STARD13: variants seen among roughly 807,000 people sequenced by gnomAD.
STARD13 encodes the protein StAR related lipid transfer domain containing 13.
A neutral mutation model predicts 106.4 loss-of-function variants in STARD13; 62 were observed. That is an observed-to-expected ratio of 0.58 (90% CI 0.48 to 0.72). STARD13 has a LOEUF of 0.72. Among genes scored for constraint, STARD13 ranks in the 30% least tolerant of loss-of-function variants. The probability of loss-of-function intolerance (pLI) is 0.00; values close to 1 mark genes in which losing one functional copy is unlikely to be tolerated. For missense variants in STARD13, 1,387 were observed against 1,424.0 expected (o/e 0.97, Z 0.42); for synonymous variants, 565 against 553.0 (o/e 1.02, Z -0.31).
At chr13:33,673,728 A>C in the STARD13 span, among the ~76,000 whole-genome samples, 1 of 151,536 alleles carries the variant, frequency 6.6e-6, no homozygotes, top group Non-Finnish European at 1.5e-5. Context: ...TTTTTAGTAG[A>C]GACAGGGTTT....
At chr13:33,470,368 G>A in the STARD13 span, among the ~76,000 whole-genome samples, 1 of 152,176 alleles carries the variant, frequency 6.6e-6, no homozygotes, top group Non-Finnish European at 1.5e-5. Flanking sequence ...ATTGTGAACA[G>A]TGCCACAATA....
intron 1 of STARD13, chr13:33,186,027 G>A (rs372456946): frequency 1.2e-6 from 2 of 1,614,110 alleles, no homozygotes; most frequent in Non-Finnish European, 1.7e-6. Context: ...CAGCATGGAG[G>A]TTCAAAGAAA....
At chr13:33,571,114 C>T in the STARD13 span, among the ~76,000 whole-genome samples, 1 of 152,070 alleles carries the variant, frequency 6.6e-6, no homozygotes, top group Admixed American at 6.6e-5. Flanking sequence ...CTCCTGTGCA[C>T]GTTTTGAATT....
intron 3 of STARD13, among the ~76,000 whole-genome samples, chr13:33,154,204 A>G (rs1881666496): frequency 6.6e-6 from 1 of 152,110 alleles, no homozygotes; most frequent in South Asian, 2.1e-4. Context: ...GAAAGAGGAC[A>G]GTCAGAAGTC....
At chr13:33,413,988 G>A in the STARD13 span, among the ~76,000 whole-genome samples, 1 of 134,590 alleles carries the variant, frequency 7.4e-6, no homozygotes, top group African/African-American at 2.9e-5. Flanking sequence ...AGCCAGGATT[G>A]AACCACTGCA....
the STARD13 span, among the ~76,000 whole-genome samples, chr13:33,610,536 C>T: frequency 2.0e-5 from 3 of 152,242 alleles, no homozygotes; most frequent in Non-Finnish European, 4.4e-5. Flanking sequence ...CGCTGAGCCT[C>T]CACGTGTCCT....
chr13:33,421,481 G>A, the STARD13 span, among the ~76,000 whole-genome samples: 1 of 152,088 alleles, frequency 6.6e-6, no homozygotes, highest in Non-Finnish European at 1.5e-5. Context: ...AAATGTCCAG[G>A]ACCAGATGGA....
At chr13:33,577,709 T>C in the STARD13 span, among the ~76,000 whole-genome samples, 1 of 152,060 alleles carries the variant, frequency 6.6e-6, no homozygotes, top group Non-Finnish European at 1.5e-5. Context: ...TCACAAAAAT[T>C]AATCTAAAAA....
chr13:33,570,398 T>G, the STARD13 span, among the ~76,000 whole-genome samples: 2 of 148,256 alleles, frequency 1.3e-5, no homozygotes, highest in Admixed American at 1.4e-4. Context: ...TTAAACTTTG[T>G]AATTTATGTT....
chr13:33,528,786 T>G, the STARD13 span, among the ~76,000 whole-genome samples: 1 of 152,064 alleles, frequency 6.6e-6, no homozygotes, highest in Non-Finnish European at 1.5e-5. Context: ...ATCTTTTCAG[T>G]GCTTATATTT....
chr13:33,652,942 A>G, the STARD13 span, among the ~76,000 whole-genome samples: 1 of 152,210 alleles, frequency 6.6e-6, no homozygotes, highest in Non-Finnish European at 1.5e-5. Flanking sequence ...TCAAAAGAAG[A>G]AAATACTTAG....
chr13:33,660,737 C>A, the STARD13 span, among the ~76,000 whole-genome samples: 1 of 152,186 alleles, frequency 6.6e-6, no homozygotes, highest in Non-Finnish European at 1.5e-5. Flanking sequence ...GTGAGAGCCA[C>A]CATGTCTGGC....
the STARD13 span, among the ~76,000 whole-genome samples, chr13:33,415,568 TTTG>T: frequency 6.6e-6 from 1 of 152,200 alleles, no homozygotes; most frequent in African/African-American, 2.4e-5. Flanking sequence ...TGTTCTTTTT[TTTG>T]TTGTTAAACA....
the STARD13 span, among the ~76,000 whole-genome samples, chr13:33,565,118 G>A: frequency 2.0e-5 from 3 of 147,380 alleles, 1 homozygote; most frequent in African/African-American, 7.5e-5. Flanking sequence ...TAGTGAAATG[G>A]GCACAAAAAG....
chr13:33,535,544 A>G, the STARD13 span, among the ~76,000 whole-genome samples: 1 of 152,224 alleles, frequency 6.6e-6, no homozygotes, highest in African/African-American at 2.4e-5. Flanking sequence ...GAGAAAGAAA[A>G]ACATCAATTA....
At chr13:33,344,533 T>C (rs1236226182), downstream of STARD13, among the ~76,000 whole-genome samples, 1 of 152,224 alleles carries the variant, frequency 6.6e-6, no homozygotes, top group African/African-American at 2.4e-5. Flanking sequence ...TGTTTTATTC[T>C]TGATCTTGCT....
intron 1 of STARD13, among the ~76,000 whole-genome samples, chr13:33,180,119 G>C (rs148701798): frequency 9.8e-5 from 15 of 152,294 alleles, no homozygotes; most frequent in Middle Eastern, 3.4e-3. Flanking sequence ...TGTATCTCAG[G>C]AAGCCATGCT....
At chr13:33,229,336 A>G (rs1778180158) in intron 1 of STARD13, among the ~76,000 whole-genome samples, 1 of 151,814 alleles carries the variant, frequency 6.6e-6, no homozygotes, top group Admixed American at 6.5e-5. Context: ...CCCTATGGTG[A>G]AGACTGTGGA....
At chr13:33,535,975 C>T in the STARD13 span, among the ~76,000 whole-genome samples, 48 of 152,162 alleles carry the variant, frequency 3.2e-4, no homozygotes, top group Admixed American at 5.2e-4. Context: ...GCTTACACCC[C>T]AGTTGGTCCT....
Sources: allele counts gnomAD v4.1 joint callset (sites outside exome capture counted in the v4.1 genomes callset), GRCh38; gene constraint gnomAD v4.1.1; transcripts MANE v1.5; gene names NCBI Gene and HGNC (gene_info 2026-07-23, HGNC 2026-07-21).